Variants in AFAP1 observed in about 807,000 individuals in gnomAD.
The protein encoded by AFAP1 is actin filament associated protein 1.
A neutral mutation model predicts 93.9 loss-of-function variants in AFAP1; 75 were observed. The ratio of observed to expected loss-of-function variants is 0.80; its 90% CI spans 0.66 to 0.97. The LOEUF (loss-of-function observed/expected upper bound fraction) is 0.97. Ranked by LOEUF, AFAP1 falls within the 50% of genes least tolerant of loss-of-function variation. AFAP1 has a pLI of 0.00. For synonymous variants in AFAP1, 517 were observed against 430.7 expected, an observed-to-expected ratio of 1.20 and a Z score of -2.48; for missense variants, 1,201 against 1,050.8, an observed-to-expected ratio of 1.14 and a Z score of -1.98.
At chr4:7,907,025 A>C (rs1392119568) in intron 1 of AFAP1, among the ~76,000 whole-genome samples, 1 of 152,164 alleles carries the variant, frequency 6.6e-6, no homozygotes, top group Non-Finnish European at 1.5e-5. Context: ...AAAAAATTCA[A>C]ATGTCACATG....
chr4:7,848,832 ATCATAGTG>A (rs1714106498), intron 4 of AFAP1, among the ~76,000 whole-genome samples: 1 of 152,202 alleles, frequency 6.6e-6, no homozygotes, highest in Admixed American at 6.5e-5. Flanking sequence ...AGGAATTGCT[ATCATAGTG>A]TCATTCTGAT....
intron 1 of AFAP1, among the ~76,000 whole-genome samples, chr4:7,938,830 C>A (rs1213269624): frequency 6.6e-6 from 1 of 152,130 alleles, no homozygotes; most frequent in South Asian, 2.1e-4. Flanking sequence ...GGGGCCAGAG[C>A]AGGAAGCGCG....
At chr4:7,782,179 A>T (rs913602660) in intron 12 of AFAP1, among the ~76,000 whole-genome samples, 1 of 152,310 alleles carries the variant, frequency 6.6e-6, no homozygotes, top group South Asian at 2.1e-4. Flanking sequence ...CCGGGGAAAA[A>T]GGGGGAAATG....
chr4:7,781,743 ACT>A (rs147772990), intron 12 of AFAP1, 116 bp from the exon 13 acceptor site: 171,532 of 1,313,630 alleles, frequency 0.13, 11,944 homozygotes, highest in African/African-American at 0.22. Context: ...GCACCCCAAC[ACT>A]CTCCTGCACA....
intron 17 of AFAP1, among the ~76,000 whole-genome samples, chr4:7,766,670 G>C (rs1487826586): frequency 6.6e-6 from 1 of 152,126 alleles, no homozygotes; most frequent in African/African-American, 2.4e-5. Flanking sequence ...TGTCACGAGA[G>C]GCAGGGGCAC....
intron 1 of AFAP1, among the ~76,000 whole-genome samples, chr4:7,932,846 CCT>C (rs759250047): frequency 6.6e-6 from 1 of 151,930 alleles, no homozygotes; most frequent in Non-Finnish European, 1.5e-5. Flanking sequence ...ACAGTGAAAC[CCT>C]GTCTCTACAA....
At chr4:7,937,676 G>C (rs1390846625) in intron 1 of AFAP1, among the ~76,000 whole-genome samples, 2 of 152,106 alleles carry the variant, frequency 1.3e-5, no homozygotes, top group Middle Eastern at 3.4e-3. Flanking sequence ...TAGTAGAGAC[G>C]GGGTTTCACC....
At chr4:7,923,641 A>C (rs1720555653) in intron 1 of AFAP1, among the ~76,000 whole-genome samples, 2 of 152,100 alleles carry the variant, frequency 1.3e-5, no homozygotes, top group South Asian at 4.1e-4. Context: ...ACCACGCCCA[A>C]CTAATTTTTG....
At chr4:7,776,937 G>A (rs900552809) in intron 14 of AFAP1, 2 of 152,098 alleles carry the variant, frequency 1.3e-5, no homozygotes, top group South Asian at 2.1e-4. Flanking sequence ...TAATGCAACC[G>A]GCTGGATTCA....
chr4:7,779,001 A>G (rs1455372248), intron 13 of AFAP1, 125 bp from the exon 14 acceptor site: 1 of 722,738 alleles, frequency 1.4e-6, no homozygotes, highest in Non-Finnish European at 2.2e-6. Context: ...TAGATGGAGG[A>G]AAAATCGAAA....
At chr4:7,783,634 T>C (rs1046794081) in intron 12 of AFAP1, among the ~76,000 whole-genome samples, 1 of 152,210 alleles carries the variant, frequency 6.6e-6, no homozygotes, top group Non-Finnish European at 1.5e-5. Flanking sequence ...CCTTTAGGAA[T>C]GGCAGACCTT....
chr4:7,855,034 G>T (rs1001651371), intron 4 of AFAP1, among the ~76,000 whole-genome samples: 2 of 152,190 alleles, frequency 1.3e-5, no homozygotes, highest in East Asian at 3.8e-4. Flanking sequence ...TGACAGAGAC[G>T]CCTGTTTGTG....
intron 4 of AFAP1, among the ~76,000 whole-genome samples, chr4:7,844,262 AG>A (rs140455665): frequency 0.033 from 4,962 of 152,108 alleles, 123 homozygotes; most frequent in Non-Finnish European, 0.051. Context: ...CTAATCCCAT[AG>A]GTCTGGTGGT....
intron 11 of AFAP1, among the ~76,000 whole-genome samples, chr4:7,793,173 TAA>T (rs5855979): frequency 6.6e-6 from 1 of 150,514 alleles, no homozygotes; most frequent in Non-Finnish European, 1.5e-5. Context: ...TTTTTTTTTT[TAA>T]AAAAATCACA....
chr4:7,785,155 T>A (rs1297908795), intron 12 of AFAP1, among the ~76,000 whole-genome samples: 1 of 152,108 alleles, frequency 6.6e-6, no homozygotes, highest in Non-Finnish European at 1.5e-5. Flanking sequence ...CCGGGCACCG[T>A]GCCTGGATCA....
chr4:7,911,495 C>T (rs1719722614), intron 1 of AFAP1, among the ~76,000 whole-genome samples: 2 of 152,248 alleles, frequency 1.3e-5, no homozygotes, highest in South Asian at 2.1e-4. Flanking sequence ...CACAGCTCCA[C>T]TTCTCACACA....
At chr4:7,864,141 A>ATTCCCAACTTCCCATCACAACG (rs1716108102) in intron 3 of AFAP1, among the ~76,000 whole-genome samples, 5 of 34,662 alleles carry the variant, frequency 1.4e-4, no homozygotes, top group Admixed American at 3.3e-4. Flanking sequence ...CCATCACAAC[A>ATTCCCAACTTCCCATCACAACG]CATTCCCAAC....
At chr4:7,809,217 C>G (rs1719799111) in intron 9 of AFAP1, among the ~76,000 whole-genome samples, 2 of 151,858 alleles carry the variant, frequency 1.3e-5, no homozygotes, top group Admixed American at 6.6e-5. Context: ...CCACTCCCCC[C>G]ACCCCACTTA....
At chr4:7,925,689 T>C (rs1020091299) in intron 1 of AFAP1, among the ~76,000 whole-genome samples, 19 of 151,968 alleles carry the variant, frequency 1.3e-4, no homozygotes, top group African/African-American at 4.4e-4. Context: ...CTACTAAAAA[T>C]ACAAAATTAG....
Sources: gnomAD v4.1 joint callset for allele counts (sites outside exome capture counted in the v4.1 genomes callset) on GRCh38, gnomAD v4.1.1 for gene constraint, MANE v1.5 for transcripts, NCBI Gene and HGNC (gene_info 2026-07-23, HGNC 2026-07-21) for gene names.